Variants in ZNF385D observed in about 807,000 individuals in gnomAD.
The protein encoded by ZNF385D is zinc finger protein 385D, also known as zinc finger protein 659.
ZNF385D carries 15 observed loss-of-function variants against 35.8 expected under a neutral mutation model. That is an observed-to-expected ratio of 0.42 (90% confidence interval 0.28 to 0.64). The LOEUF is 0.64. ZNF385D is among the 30% of genes least tolerant of loss of function. The pLI is 0.23. For missense variants in ZNF385D, 474 were observed against 494.6 expected, an observed-to-expected ratio of 0.96 and a Z score of 0.39; for synonymous variants, 212 against 186.8, an observed-to-expected ratio of 1.13 and a Z score of -1.10.
intron 3 of ZNF385D, among the ~76,000 whole-genome samples, chr3:21,521,598 T>A (rs932883057): frequency 1.2e-4 from 19 of 152,002 alleles, no homozygotes; most frequent in Non-Finnish European, 1.9e-4. Context: ...TGCTAAAAAA[T>A]TTTTTTAAAG....
At chr3:22,318,692 C>G (rs111699219) in intron 2 of ZNF385D, among the ~76,000 whole-genome samples, 150 of 151,976 alleles carry the variant, frequency 9.9e-4, no homozygotes, top group African/African-American at 3.5e-3. Flanking sequence ...GAATACAAGA[C>G]AAGAAGAAAA....
At chr3:21,564,468 A>C (rs1332175502) in intron 3 of ZNF385D, 106 bp downstream of exon 3, 2 of 579,712 alleles carry the variant, frequency 3.4e-6, no homozygotes, top group South Asian at 3.7e-5. Context: ...GAATTTTGAC[A>C]TGCTCAGTTA....
intron 2 of ZNF385D, among the ~76,000 whole-genome samples, chr3:22,225,602 A>T (rs1698508184): frequency 6.6e-6 from 1 of 152,042 alleles, no homozygotes; most frequent in Non-Finnish European, 1.5e-5. Flanking sequence ...ATCAAGCAAC[A>T]ATTGCCCACT....
At chr3:22,312,944 C>G (rs1703657136) in intron 2 of ZNF385D, among the ~76,000 whole-genome samples, 1 of 137,848 alleles carries the variant, frequency 7.3e-6, no homozygotes, top group African/African-American at 2.9e-5. Context: ...TATAAAGACA[C>G]ATGCACACGT....
chr3:22,033,643 G>C (rs115156056), intron 3 of ZNF385D, among the ~76,000 whole-genome samples: 1,723 of 151,890 alleles, frequency 0.011, 9 homozygotes, highest in Non-Finnish European at 0.02. Flanking sequence ...AAAATCACTC[G>C]ATGAACTATC....
At chr3:21,865,977 C>T (rs1697327349) in intron 3 of ZNF385D, among the ~76,000 whole-genome samples, 1 of 151,488 alleles carries the variant, frequency 6.6e-6, no homozygotes, top group African/African-American at 2.4e-5. Flanking sequence ...TGAACATTAT[C>T]TTAGGAAATA....
intron 1 of ZNF385D, among the ~76,000 whole-genome samples, chr3:21,687,647 G>C (rs559579849): frequency 4.0e-5 from 6 of 151,898 alleles, no homozygotes; most frequent in South Asian, 2.1e-4. Flanking sequence ...ACATTCCCTG[G>C]GTTTGGACAA....
intron 3 of ZNF385D, among the ~76,000 whole-genome samples, chr3:22,033,465 A>G (rs966303422): frequency 2.0e-5 from 3 of 150,718 alleles, no homozygotes; most frequent in Admixed American, 6.6e-5. Flanking sequence ...AGTTAAAGAC[A>G]TAAGCTAATG....
intron 1 of ZNF385D, among the ~76,000 whole-genome samples, chr3:21,682,126 T>C (rs2200946): frequency 0.043 from 6,605 of 152,264 alleles, 191 homozygotes; most frequent in South Asian, 0.1. Context: ...AGCAAAGATA[T>C]GGTTGGAAGA....
intron 3 of ZNF385D, among the ~76,000 whole-genome samples, chr3:22,068,744 G>C (rs1216275297): frequency 2.0e-5 from 3 of 151,002 alleles, no homozygotes; most frequent in Non-Finnish European, 4.4e-5. Context: ...ATTGAACTCT[G>C]ACTGATAACT....
chr3:21,638,146 A>G (rs2065499377), intron 2 of ZNF385D, among the ~76,000 whole-genome samples: 1 of 152,154 alleles, frequency 6.6e-6, no homozygotes, highest in African/African-American at 2.4e-5. Flanking sequence ...AACAAATTCA[A>G]GAAAACAGAC....
intron 4 of ZNF385D, among the ~76,000 whole-genome samples, chr3:21,504,456 C>T (rs1706621058): frequency 6.6e-6 from 1 of 152,122 alleles, no homozygotes; most frequent in Non-Finnish European, 1.5e-5. Flanking sequence ...AACAGAAACA[C>T]AAAACTGATT....
rs569684235 is a variant in ZNF385D at position 22,214,128 on chromosome 3, T to C, written c.107-45093A>G. 6.5e-4 allele frequency among the ~76,000 whole-genome samples: 99 copies of C among 152,202 alleles called. 1 individual carries two copies. In the South Asian group the frequency reaches 0.02, roughly 30 times the overall value. Reference sequence around the variant, plus strand: ...AAGAACATGGATTGTGAAGATTTCATGGACATTTATTAGTTCCTTAAATTA... The same window carrying C: ...AAGAACATGGATTGTGAAGATTTCACGGACATTTATTAGTTCCTTAAATTA... On this transcript the variant is annotated intron_variant, in intron 2 of 5. Transcript: ENST00000494108.
At chr3:22,183,896 T>C (rs1391133622) in intron 2 of ZNF385D, among the ~76,000 whole-genome samples, 1 of 152,088 alleles carries the variant, frequency 6.6e-6, no homozygotes, top group African/African-American at 2.4e-5. Context: ...ATTTTACTTT[T>C]ATGCTGTGAA....
Position 21,420,213 on chromosome 3 carries a change from G to A in ZNF385D, c.*1001C>T, listed in dbSNP as rs1700675639. On this transcript the variant is annotated 3_prime_UTR_variant, in exon 8 of 8. Transcript: ENST00000281523. ...AACAACCCTACTGGTATGATATAAA[G>A]GGGATACTGCAGAGATGCAACATTC... 6.6e-6 allele frequency: 1 copy of A among 152,138 alleles called. No homozygotes were observed. Among genetic ancestry groups the A allele is most frequent in the Non-Finnish European group, 1.5e-5 (1 of 68,032 alleles). The allele number at this position is 152,138 out of a possible 1,614,324, so 9.4% of individuals were successfully genotyped here.
intron 3 of ZNF385D, among the ~76,000 whole-genome samples, chr3:22,065,132 C>G (rs548684322): frequency 1.8e-4 from 27 of 152,244 alleles, no homozygotes; most frequent in African/African-American, 6.5e-4. Context: ...TAACTTAATA[C>G]AGAAGATGAA....
In ZNF385D at chr3:21,653,170, G is replaced by C. The variant is rs182054286; in HGVS notation, c.165+11716C>G. Among the ~76,000 whole-genome samples, 76 of 152,068 alleles carry C rather than the reference G, an allele frequency of 5.0e-4. 1 individual carries two copies. Among genetic ancestry groups the C allele is most frequent in the African/African-American group, 1.5e-3 (63 of 41,480 alleles). On this transcript the variant is annotated intron_variant, in intron 2 of 7. Transcript: ENST00000281523. ...TATAATTCTATTACATTTTGCAACTGGTGTTTCTTCCCCCAGCAGCACTGA... is the reference window on the plus strand; with the variant it reads ...TATAATTCTATTACATTTTGCAACTCGTGTTTCTTCCCCCAGCAGCACTGA...
At position 21,883,621 on chromosome 3, in the gene ZNF385D, G is replaced by GA. The variant is rs545318890; in HGVS notation, c.326-218594dup. On this transcript the variant is annotated intron_variant, in intron 3 of 5. Transcript: ENST00000494108. The stretch of plus-strand genomic sequence containing the variant: ...AAGCTTGGAATGACATAGGTTTAAA[G>GA]AAATTTGCTGGAAATGATGAGAAAT... Among the ~76,000 whole-genome samples the GA allele has an allele frequency of 2.2e-4, 33 of 152,136 alleles. 2 individuals are homozygous for GA. In the South Asian group the frequency reaches 6.4e-3, roughly 30 times the overall value.
At chr3:22,014,578 C>G (rs897272725) in intron 3 of ZNF385D, among the ~76,000 whole-genome samples, 1 of 152,040 alleles carries the variant, frequency 6.6e-6, no homozygotes, top group African/African-American at 2.4e-5. Context: ...AAAATGCAGA[C>G]ATTTTTATAC....
Sources: allele counts gnomAD v4.1 joint callset (sites outside exome capture counted in the v4.1 genomes callset), GRCh38; gene constraint gnomAD v4.1.1; transcripts MANE v1.5; gene names NCBI Gene and HGNC (gene_info 2026-07-23, HGNC 2026-07-21).